Variants in SGK1 observed in about 807,000 individuals in gnomAD.
SGK1 encodes the protein serine/threonine-protein kinase Sgk1.
SGK1 carries 26 observed loss-of-function variants against 64.2 expected under a neutral mutation model. The observed-to-expected ratio is 0.40, with a 90% CI of 0.30 to 0.56. The LOEUF (loss-of-function observed/expected upper bound fraction) is 0.56, where lower values mean the gene tolerates loss of function less well. SGK1 is among the 20% of genes least tolerant of loss of function. The pLI, the probability that SGK1 is intolerant of heterozygous loss-of-function variation, is 0.38. For synonymous variants in SGK1, 265 were observed against 239.7 expected, an observed-to-expected ratio of 1.11 and a Z score of -0.98; for missense variants, 519 against 645.6, an observed-to-expected ratio of 0.80 and a Z score of 2.12.
chr6:134,295,941 C>A (rs1365763966), intron 1 of SGK1, among the ~76,000 whole-genome samples: 1 of 152,140 alleles, frequency 6.6e-6, no homozygotes, highest in East Asian at 1.9e-4. Flanking sequence ...CTCTTTTACT[C>A]CTAGGATGAA....
chr6:134,216,450 T>C (rs187848003), intron 2 of SGK1, among the ~76,000 whole-genome samples: 3 of 152,360 alleles, frequency 2.0e-5, no homozygotes, highest in African/African-American at 7.2e-5. Context: ...TATCATAGGA[T>C]ATAATACCGT....
chr6:134,229,095 T>C lies in SGK1; in HGVS notation c.286-21664A>G, dbSNP rs141924274. Among the ~76,000 whole-genome samples, 201 of 152,330 alleles carry C rather than the reference T, an allele frequency of 1.3e-3. 3 individuals carry two copies. The East Asian group carries it at 0.037, about 28-fold the overall frequency. On this transcript the variant is annotated intron_variant, in intron 2 of 13. Transcript: ENST00000367858. ...ATCCGCCCGCCTTGGCCTCCCAAAG[T>C]GCTGGGATTACAGGCGTGAGCCACC...
At chr6:134,218,935 G>A (rs1383291844) in intron 2 of SGK1, among the ~76,000 whole-genome samples, 2 of 152,018 alleles carry the variant, frequency 1.3e-5, no homozygotes, top group African/African-American at 4.8e-5. Flanking sequence ...ACACATTTAG[G>A]TTACAATGGA....
rs1380193046 is a variant in SGK1, at chr6:134,273,171, G to A, written c.70-11023C>T. On this transcript the variant is annotated intron_variant, in intron 1 of 13. Transcript: ENST00000367858. ...CAGGTAAGCCCAGTGCTTGACACCA[G>A]GTGAATCCTTCACAAATATTTGCTA... 2.7e-5 allele frequency among the ~76,000 whole-genome samples: 4 copies of A among 147,640 alleles called. 1 individual carries two copies. The East Asian group carries it at 7.3e-4, about 27-fold the overall frequency.
intron 1 of SGK1, among the ~76,000 whole-genome samples, chr6:134,279,303 G>A (rs772305809): frequency 1.3e-5 from 2 of 152,076 alleles, no homozygotes; most frequent in African/African-American, 4.8e-5. Flanking sequence ...GTGGTGGTGC[G>A]TGCCTGTAGT....
chr6:134,170,988 C>A lies in SGK1; in HGVS notation c.1323+35G>T, dbSNP rs560627470. On this transcript the variant is annotated intron_variant, in intron 12 of 13. Transcript: ENST00000367858. Reference sequence around the variant, plus strand: ...GGGCAGGGAGGTCTAGTGCACGTCCCGGCCGGCCCAGGAGGACAGGAAAAC... The same window carrying A: ...GGGCAGGGAGGTCTAGTGCACGTCCAGGCCGGCCCAGGAGGACAGGAAAAC... The A allele has an allele frequency of 1.2e-4, 198 of 1,608,912 alleles. No individual in the cohort carries two copies. The Admixed American group carries it at 3.2e-3, about 26-fold the overall frequency.
intron 2 of SGK1, chr6:134,260,068 A>G (rs1776740902): frequency 6.6e-6 from 1 of 152,174 alleles, no homozygotes; most frequent in Non-Finnish European, 1.5e-5. Context: ...AAAGTAGACA[A>G]GTAGGCTGGG....
intron 1 of SGK1, chr6:134,298,546 C>A: frequency 1.2e-6 from 1 of 820,046 alleles, no homozygotes. Context: ...TAGCCTCCAC[C>A]CAGGCTACCC....
At chr6:134,196,532 T>C (rs1486670077) in intron 3 of SGK1, among the ~76,000 whole-genome samples, 2 of 152,162 alleles carry the variant, frequency 1.3e-5, no homozygotes, top group African/African-American at 2.4e-5. Context: ...GTAGTAAGCA[T>C]TGAAATCTGT....
At chr6:134,314,387 CTA>C (rs1233820959) in intron 1 of SGK1, among the ~76,000 whole-genome samples, 3 of 152,026 alleles carry the variant, frequency 2.0e-5, no homozygotes, top group Non-Finnish European at 4.4e-5. Context: ...GTTGTGGAAA[CTA>C]AAAGAAAAGA....
chr6:134,287,941 C>T (rs1562275266), intron 1 of SGK1, among the ~76,000 whole-genome samples: 1 of 152,094 alleles, frequency 6.6e-6, no homozygotes, highest in South Asian at 2.1e-4. Flanking sequence ...CATAGCTTTT[C>T]ATGTTTGTTA....
intron 3 of SGK1, among the ~76,000 whole-genome samples, chr6:134,188,562 C>T (rs865801116): frequency 1.3e-5 from 2 of 152,152 alleles, no homozygotes; most frequent in Non-Finnish European, 2.9e-5. Context: ...AGTAATTCAG[C>T]GGTGTTACCC....
At chr6:134,285,218 G>A (rs1412832300) in intron 1 of SGK1, among the ~76,000 whole-genome samples, 1 of 152,074 alleles carries the variant, frequency 6.6e-6, no homozygotes, top group Non-Finnish European at 1.5e-5. Flanking sequence ...CAGCACTTTG[G>A]GAGGCCGAGG....
chr6:134,236,613 C>G (rs908575448), intron 2 of SGK1, among the ~76,000 whole-genome samples: 2 of 151,920 alleles, frequency 1.3e-5, no homozygotes, highest in Non-Finnish European at 2.9e-5. Flanking sequence ...GATGACAGAC[C>G]GAGACTCTAT....
At chr6:134,217,621 A>G (rs1043178594) in intron 2 of SGK1, among the ~76,000 whole-genome samples, 5 of 152,198 alleles carry the variant, frequency 3.3e-5, no homozygotes, top group African/African-American at 1.2e-4. Flanking sequence ...AATTTGGTAC[A>G]TCAACCGCCA....
intron 1 of SGK1, among the ~76,000 whole-genome samples, chr6:134,290,366 G>A (rs1217560412): frequency 2.0e-5 from 3 of 149,578 alleles, no homozygotes; most frequent in Non-Finnish European, 4.4e-5. Context: ...AAAAAGACTT[G>A]TTGGAGCCTA....
At chr6:134,215,054 T>C (rs1189438610) in intron 2 of SGK1, 7 of 455,956 alleles carry the variant, frequency 1.5e-5, no homozygotes, top group Non-Finnish European at 3.1e-5. Context: ...GAATATCACA[T>C]TTAGGGAGAT....
rs1554226349 is a variant in SGK1, at chr6:134,271,075, G to GTCTTTCCTC, written c.70-8928_70-8927insGAGGAAAGA. 2.4e-4 allele frequency among the ~76,000 whole-genome samples: 35 copies of GTCTTTCCTC among 145,338 alleles called. 1 individual carries two copies. Among genetic ancestry groups the GTCTTTCCTC allele is most frequent in the Non-Finnish European group, 3.2e-4 (21 of 65,140 alleles). On this transcript the variant is annotated intron_variant, in intron 1 of 13. Coordinates refer to ENST00000367858, the MANE Select transcript of SGK1 (RefSeq NM_001143676.3). Reference sequence around the variant, plus strand: ...CTCATGCCTGTCGTCCCAGTGCTTTGGGAGGCCGAGGCAGGCAGATCACCT... The same window carrying GTCTTTCCTC: ...CTCATGCCTGTCGTCCCAGTGCTTTGTCTTTCCTCGGAGGCCGAGGCAGGCAGATCACCT...
At chr6:134,235,541 T>TTTATTTA (rs139727119) in intron 2 of SGK1, among the ~76,000 whole-genome samples, 4,422 of 92,060 alleles carry the variant, frequency 0.048, 107 homozygotes, top group East Asian at 0.13. Flanking sequence ...AAATAGATAT[T>TTTATTTA]TTTATTTATT....
Sources: gnomAD v4.1 joint callset for allele counts (sites outside exome capture counted in the v4.1 genomes callset) on GRCh38, gnomAD v4.1.1 for gene constraint, MANE v1.5 for transcripts, NCBI Gene and HGNC (gene_info 2026-07-23, HGNC 2026-07-21) for gene names.